KLHDC8A: variants seen among roughly 807,000 people sequenced by gnomAD.
The protein encoded by KLHDC8A is kelch domain-containing protein 8A.
A neutral mutation model predicts 33.1 loss-of-function variants in KLHDC8A; 21 were observed. The ratio of observed to expected loss-of-function variants is 0.64; its 90% CI spans 0.45 to 0.91. The LOEUF is 0.91. Ranked by LOEUF, KLHDC8A falls within the 40% of genes least tolerant of loss-of-function variation. The probability of loss-of-function intolerance (pLI) is 0.00; values close to 1 mark genes in which losing one functional copy is unlikely to be tolerated. For synonymous variants in KLHDC8A, 173 were observed against 193.5 expected (o/e 0.89, Z 0.88); for missense variants, 435 against 483.3 (o/e 0.90, Z 0.94).
intron 2 of KLHDC8A, among the ~76,000 whole-genome samples, chr1:205,340,349 G>T (rs536393745): frequency 6.6e-6 from 1 of 152,262 alleles, no homozygotes; most frequent in South Asian, 2.1e-4. Flanking sequence ...ACGACTACAC[G>T]CCCTAGTCTT....
intron 1 of KLHDC8A, among the ~76,000 whole-genome samples, chr1:205,350,656 AATTAAAAAGAGCTCC>A (rs950764878): frequency 1.3e-5 from 2 of 152,154 alleles, no homozygotes; most frequent in African/African-American, 4.8e-5. Context: ...CATTCTTCTT[AATTAAAAAGAGCTCC>A]ACGTCCTGGC....
Position 205,337,342 on chromosome 1 carries a change from C to T in KLHDC8A, c.*57G>A, listed in dbSNP as rs1461880944. ...CCCGACTGCTTGGACAAGATCATTC[C>T]TCATGTTAAGAGTGAAGTGATATGG... On this transcript the variant is annotated 3_prime_UTR_variant, in exon 6 of 6. Coordinates refer to ENST00000367155, the MANE Select transcript of KLHDC8A (RefSeq NM_018203.3). 1.4e-6 allele frequency: 2 copies of T among 1,399,612 alleles called. No homozygotes were observed. The highest frequency in any genetic ancestry group is 2.8e-5 in the African/African-American group (2 of 70,742). The allele number at this position is 1,399,612 out of a possible 1,614,324, so 86.7% of individuals were successfully genotyped here.
intron 1 of KLHDC8A, chr1:205,351,279 A>G (rs1574915118): frequency 1.2e-6 from 1 of 849,178 alleles, no homozygotes; most frequent in South Asian, 1.3e-5. Context: ...AGCTGAAAAA[A>G]TTTATGGACA....
rs947105283 is a variant in KLHDC8A at position 205,343,430 on chromosome 1, A to G, written c.175T>C (p.Trp59Arg). 6.2e-7 allele frequency: 1 copy of G among 1,613,292 alleles called. No homozygotes were observed. The highest frequency in any genetic ancestry group is 1.7e-5 in the Admixed American group (1 of 59,990). ...GTGGGCAGCCGGGGCAAGGCGGTCCACTGGTCGGCCTCCGGGGAGTAGACC... is the reference window on the plus strand; with the variant it reads ...GTGGGCAGCCGGGGCAAGGCGGTCCGCTGGTCGGCCTCCGGGGAGTAGACC... Reference protein sequence around the residue: ...FEVYSPEADQWTALPRLPTAR... With the variant: ...FEVYSPEADQRTALPRLPTAR... Residue 59 changes from tryptophan (W) to arginine (R), a missense_variant, in exon 2 of 6, where the codon TGG (tryptophan) becomes CGG (arginine). Trp to Arg is a moderately radical substitution (Grantham distance 101). Coordinates refer to ENST00000367155, the MANE Select transcript of KLHDC8A (RefSeq NM_018203.3).
chr1:205,350,844 CGCATGTGTGTGT>C (rs562233278), intron 1 of KLHDC8A, among the ~76,000 whole-genome samples: 1,632 of 52,596 alleles, frequency 0.031, 12 homozygotes, highest in Middle Eastern at 0.061. Context: ...TGTGCGCGCA[CGCATGTGTGTGT>C]GCATGTGTGT....
intron 1 of KLHDC8A, among the ~76,000 whole-genome samples, chr1:205,347,291 G>A (rs572641027): frequency 1.3e-5 from 2 of 152,232 alleles, no homozygotes; most frequent in East Asian, 3.9e-4. Flanking sequence ...TGACTCCTTG[G>A]TCCCTCCCTA....
In KLHDC8A at chr1:205,343,478, C is replaced by G; in HGVS notation, c.127G>C (p.Gly43Arg). ...ACCTCGAAGCAGTCCATGGGGACGC[C>G]GTTGTCGTCACATCCCCCGATGGCA... Reference protein sequence around the residue: ...VYAIGGCDDNGVPMDCFEVYS... With the variant: ...VYAIGGCDDNRVPMDCFEVYS... The change falls in exon 2 of 6, where the codon GGC (glycine) becomes CGC (arginine). Residue 43 changes from glycine (G) to arginine (R), a missense_variant. By Grantham distance (125) the Gly-to-Arg change is moderately radical. Coordinates refer to ENST00000367155, the MANE Select transcript of KLHDC8A (RefSeq NM_018203.3). 6.2e-7 allele frequency: 1 copy of G among 1,613,512 alleles called. No individual in the cohort carries two copies. Among genetic ancestry groups the G allele is most frequent in the Non-Finnish European group, 8.5e-7 (1 of 1,179,886 alleles).
intron 1 of KLHDC8A, among the ~76,000 whole-genome samples, chr1:205,347,136 C>T (rs1402183874): frequency 6.6e-6 from 1 of 152,202 alleles, no homozygotes; most frequent in East Asian, 1.9e-4. Context: ...CATCCTTTAG[C>T]GCTTACACTG....
At chr1:205,355,655 T>A (rs1663246785) in intron 1 of KLHDC8A, among the ~76,000 whole-genome samples, 1 of 152,202 alleles carries the variant, frequency 6.6e-6, no homozygotes, top group African/African-American at 2.4e-5. Flanking sequence ...TAATTTAGCC[T>A]ATAAAGTAGG....
At chr1:205,345,436 T>C (rs1249205845) in intron 1 of KLHDC8A, among the ~76,000 whole-genome samples, 3 of 152,108 alleles carry the variant, frequency 2.0e-5, no homozygotes, top group African/African-American at 7.2e-5. Flanking sequence ...AATTGATCGG[T>C]AAAGATACAA....
intron 1 of KLHDC8A, chr1:205,351,178 C>CT (rs1663093800): frequency 5.4e-6 from 4 of 736,828 alleles, no homozygotes; most frequent in African/African-American, 1.7e-5. Context: ...ATATATTGGG[C>CT]TTTTATTTGA....
Position 205,337,357 on chromosome 1 carries a change from A to T in KLHDC8A, c.*42T>A. ...AAGATCATTCCTCATGTTAAGAGTG[A>T]AGTGATATGGTCCAGGGCAAAGGTA... On this transcript the variant is annotated 3_prime_UTR_variant, in exon 6 of 6. Coordinates refer to ENST00000367155, the MANE Select transcript of KLHDC8A (RefSeq NM_018203.3). 6.8e-7 allele frequency: 1 copy of T among 1,463,870 alleles called. No individual in the cohort carries two copies. The highest frequency in any genetic ancestry group is 9.6e-7 in the Non-Finnish European group (1 of 1,045,504). The allele number at this position is 1,463,870 out of a possible 1,614,324, so 90.7% of individuals were successfully genotyped here. A position where few individuals can be genotyped will look rare whatever the true frequency, so the allele number is the denominator to read the frequency against.
rs534845427 is a variant in KLHDC8A at position 205,342,944 on chromosome 1, C to T, written c.376+285G>A. On this transcript the variant is annotated intron_variant, in intron 2 of 5. Transcript: ENST00000367155. ...GTGGAAGAGGCCCCTGGAATCAGGT[C>T]CCAAAGCCCTCTCAGTGGGGCCTGG... Among the ~76,000 whole-genome samples the T allele has an allele frequency of 9.9e-5, 15 of 152,210 alleles. 1 individual carries two copies. In the East Asian group the frequency reaches 2.7e-3, roughly 27 times the overall value.
chr1:205,348,032 C>T (rs1662993251), intron 1 of KLHDC8A, among the ~76,000 whole-genome samples: 1 of 152,182 alleles, frequency 6.6e-6, no homozygotes, highest in African/African-American at 2.4e-5. Context: ...AGGCATGCAC[C>T]ACCTTGACAG....
At position 205,337,018 on chromosome 1, in the gene KLHDC8A, G is replaced by A. The variant is rs951030221; in HGVS notation, c.*381C>T. ...ACCTTAAAACTAGTTCAGAGCTGGGGAAAGACAGCAACAGCAGTCTATCCT... is the reference window on the plus strand; with the variant it reads ...ACCTTAAAACTAGTTCAGAGCTGGGAAAAGACAGCAACAGCAGTCTATCCT... On this transcript the variant is annotated 3_prime_UTR_variant, in exon 6 of 6. Coordinates refer to ENST00000367155, the MANE Select transcript of KLHDC8A (RefSeq NM_018203.3). 4.5e-6 allele frequency: 1 copy of A among 221,812 alleles called. No homozygotes were observed. Among genetic ancestry groups the A allele is most frequent in the Non-Finnish European group, 9.1e-6 (1 of 110,348 alleles). The allele number at this position is 221,812 out of a possible 1,614,324, so 13.7% of individuals were successfully genotyped here.
At chr1:205,351,159 G>A in intron 1 of KLHDC8A, 1 of 705,968 alleles carries the variant, frequency 1.4e-6, no homozygotes, top group Non-Finnish European at 2.6e-6. Flanking sequence ...TCCTCACCTG[G>A]TACATAGCAT....
chr1:205,342,411 T>C (rs745715083), intron 2 of KLHDC8A, among the ~76,000 whole-genome samples: 1 of 152,186 alleles, frequency 6.6e-6, no homozygotes, highest in Non-Finnish European at 1.5e-5. Context: ...CTAGTTACTT[T>C]CATTGGTCAG....
chr1:205,355,007 G>A (rs1292089670), intron 1 of KLHDC8A, among the ~76,000 whole-genome samples: 1 of 152,192 alleles, frequency 6.6e-6, no homozygotes, highest in Non-Finnish European at 1.5e-5. Flanking sequence ...ACTCAGAGAG[G>A]TGAAGCAATT....
chr1:205,341,359 GAA>G lies in KLHDC8A; in HGVS notation c.377-1553_377-1552del, dbSNP rs35530862. On this transcript the variant is annotated intron_variant, in intron 2 of 5. Transcript: ENST00000367155. Reference sequence around the variant, plus strand: ...TTCCTCCTACTTTCCAATCTTATTGGAAAAAAAAAAAATGCCAACCCTAGCCT... The same window carrying G: ...TTCCTCCTACTTTCCAATCTTATTGGAAAAAAAAAATGCCAACCCTAGCCT... 2.9e-3 allele frequency among the ~76,000 whole-genome samples: 433 copies of G among 149,410 alleles called. 2 individuals are homozygous for G. The highest frequency in any genetic ancestry group is 4.7e-3 in the African/African-American group (193 of 40,740).
Sources: gnomAD v4.1 joint callset for allele counts (sites outside exome capture counted in the v4.1 genomes callset) on GRCh38, gnomAD v4.1.1 for gene constraint, MANE v1.5 for transcripts, NCBI Gene and HGNC (gene_info 2026-07-23, HGNC 2026-07-21) for gene names.